The following RTTN variants were observed in gnomAD, a reference collection of about 807,000 sequenced individuals.
RTTN encodes the protein rotatin.
A neutral mutation model predicts 269.2 loss-of-function variants in RTTN; 182 were observed. That is an observed-to-expected ratio of 0.68 (90% CI 0.60 to 0.76). The LOEUF is 0.76. Ranked by LOEUF, RTTN falls within the 30% of genes least tolerant of loss-of-function variation. RTTN has a pLI of 0.00. For missense variants in RTTN, 2,545 were observed against 2,608.6 expected (o/e 0.98, Z 0.53); for synonymous variants, 1,006 against 963.5 (o/e 1.04, Z -0.82).
At chr18:70,069,284 A>G (rs2058232724) in intron 34 of RTTN, among the ~76,000 whole-genome samples, 2 of 152,200 alleles carry the variant, frequency 1.3e-5, no homozygotes, top group South Asian at 2.1e-4. Context: ...TCACATATAC[A>G]TATGTCAAGT....
chr18:70,065,940 A>G lies in RTTN; in HGVS notation c.4654-18T>C, dbSNP rs1224669126. 2.0e-6 allele frequency: 3 copies of G among 1,527,964 alleles called. No homozygotes were observed. The highest frequency in any genetic ancestry group is 1.4e-5 in the African/African-American group (1 of 72,848). 94.7% of individuals were successfully genotyped at this position (1,527,964 alleles called of 1,614,324 possible). On this transcript the variant is annotated intron_variant, in intron 34 of 48. Coordinates refer to ENST00000640769, the MANE Select transcript of RTTN (RefSeq NM_173630.4). Reference sequence around the variant, plus strand: ...GGTGCCACCTATGAATCAGTAAATTATTTTACTTATTAATGTTACAGTACG... The same window carrying G: ...GGTGCCACCTATGAATCAGTAAATTGTTTTACTTATTAATGTTACAGTACG...
intron 39 of RTTN, among the ~76,000 whole-genome samples, chr18:70,049,722 GCTT>G (rs2057602173): frequency 6.6e-6 from 1 of 152,022 alleles, no homozygotes; most frequent in South Asian, 2.1e-4. Flanking sequence ...TTAAAAAACA[GCTT>G]TTTTCTATGC....
intron 35 of RTTN, among the ~76,000 whole-genome samples, chr18:70,064,319 CAG>C (rs1420551449): frequency 9.9e-6 from 1 of 101,334 alleles, no homozygotes; most frequent in Non-Finnish European, 1.8e-5. Context: ...GCCTGGGCAA[CAG>C]AGTGAGACTG....
At chr18:70,136,497 CTT>C (rs926899486) in intron 21 of RTTN, among the ~76,000 whole-genome samples, 1 of 151,536 alleles carries the variant, frequency 6.6e-6, no homozygotes, top group African/African-American at 2.4e-5. Context: ...TTGTGCCTAT[CTT>C]ATAATAAAAA....
intron 34 of RTTN, among the ~76,000 whole-genome samples, chr18:70,073,701 GCA>G (rs1184964063): frequency 5.3e-5 from 8 of 152,040 alleles, no homozygotes; most frequent in Admixed American, 3.9e-4. Context: ...AGTGGCTTGC[GCA>G]CACAGAAAAG....
At chr18:70,133,698 C>T (rs901803965) in intron 23 of RTTN, among the ~76,000 whole-genome samples, 21 of 152,134 alleles carry the variant, frequency 1.4e-4, no homozygotes, top group African/African-American at 5.1e-4. Context: ...AATAGGATTA[C>T]ATTTTGGGGT....
At chr18:70,122,006 TAA>T (rs2059750423) in intron 25 of RTTN, among the ~76,000 whole-genome samples, 9 of 152,166 alleles carry the variant, frequency 5.9e-5, no homozygotes, top group Admixed American at 5.9e-4. Context: ...ACACTGACTC[TAA>T]TAACCGCCCA....
chr18:70,128,732 C>G, intron 23 of RTTN, 186 bp from the exon 24 acceptor site: 1 of 543,718 alleles, frequency 1.8e-6, no homozygotes, highest in Non-Finnish European at 3.3e-6. Flanking sequence ...TTCATCTCCT[C>G]TAAACTCCCC....
chr18:70,159,248 A>G lies in RTTN; in HGVS notation c.1929+6814T>C, dbSNP rs145108519. 1.8e-3 allele frequency among the ~76,000 whole-genome samples: 278 copies of G among 152,340 alleles called. 2 individuals are homozygous for G. The highest frequency in any genetic ancestry group is 6.0e-3 in the African/African-American group (251 of 41,582). Reference sequence around the variant, plus strand: ...ATCATACCAACCACACTCTCAGGCCACAGTGCAATAAAAATAGAAATTATT... The same window carrying G: ...ATCATACCAACCACACTCTCAGGCCGCAGTGCAATAAAAATAGAAATTATT... On this transcript the variant is annotated intron_variant, in intron 14 of 48. Transcript: ENST00000640769.
intron 14 of RTTN, among the ~76,000 whole-genome samples, chr18:70,154,992 G>C (rs2060636885): frequency 6.6e-6 from 1 of 152,008 alleles, no homozygotes; most frequent in South Asian, 2.1e-4. Flanking sequence ...AGAAAATACA[G>C]ACTCAATAGA....
chr18:70,137,545 G>T (rs118062061), intron 21 of RTTN, among the ~76,000 whole-genome samples: 2 of 151,848 alleles, frequency 1.3e-5, no homozygotes, highest in Non-Finnish European at 2.9e-5. Context: ...GGCCCTGCAC[G>T]AACTGCCCTC....
rs149566631 is a variant in RTTN at position 70,177,229 on chromosome 18, C to A, written c.1306-384G>T. Among the ~76,000 whole-genome samples the A allele has an allele frequency of 6.3e-3, 961 of 152,234 alleles. 4 individuals carry two copies. Among genetic ancestry groups the A allele is most frequent in the Non-Finnish European group, 0.01 (708 of 68,022 alleles). ...TCAAGTATTTCTTATGCTTACTATA[C>A]GCCTAACACAGTGGCAGGCATAATG... On this transcript the variant is annotated intron_variant, in intron 10 of 48. Coordinates refer to ENST00000640769, the MANE Select transcript of RTTN (RefSeq NM_173630.4).
Position 70,152,473 on chromosome 18 carries a change from A to C in RTTN, c.1930-1740T>G, listed in dbSNP as rs570626236. On this transcript the variant is annotated intron_variant, in intron 14 of 48. Transcript: ENST00000640769. The stretch of plus-strand genomic sequence containing the variant: ...ACTTGATACATAAGAGTAAATGCTC[A>C]ATAAATGTTAGCTGCTATCATTATC... Among the ~76,000 whole-genome samples the C allele has an allele frequency of 2.6e-5, 4 of 152,310 alleles. No homozygotes were observed. The East Asian group carries it at 7.7e-4, about 29-fold the overall frequency.
chr18:70,076,946 T>G (rs2058443865), intron 32 of RTTN, among the ~76,000 whole-genome samples: 1 of 151,992 alleles, frequency 6.6e-6, no homozygotes, highest in Non-Finnish European at 1.5e-5. Flanking sequence ...CAAGAAATTC[T>G]ATCTTTTAAG....
Position 70,205,261 on chromosome 18 carries a change from A to G in RTTN, c.86T>C (p.Ile29Thr), listed in dbSNP as rs201689582. 83 of 1,614,230 alleles carry G rather than the reference A, an allele frequency of 5.1e-5. No individual in the cohort carries two copies. In the African/African-American group the frequency reaches 6.8e-4, roughly 13 times the overall value. ...AGCGTAGCAGATTAAGTTGTGCTCA[A>G]TCTTGCAGAGAATACTCTTGAGAGC... ...ERALKSILCK[I>T]EHNLICYADL... The change falls in exon 2 of 49, where the codon ATT becomes ACT. Residue 29 changes from isoleucine (I) to threonine (T), a missense_variant. Physicochemically the swap from Ile to Thr is moderately conservative, Grantham distance 89. Transcript: ENST00000640769.
chr18:70,114,729 G>A, intron 26 of RTTN, 130 bp from the exon 27 acceptor site: 1 of 521,320 alleles, frequency 1.9e-6, no homozygotes, highest in South Asian at 4.4e-5. Context: ...GGCCTTTACT[G>A]CATTAGTAGA....
intron 27 of RTTN, among the ~76,000 whole-genome samples, chr18:70,110,668 T>C (rs557792955): frequency 6.6e-6 from 1 of 152,328 alleles, no homozygotes; most frequent in African/African-American, 2.4e-5. Flanking sequence ...GTAGTTCTTT[T>C]TTCCCATACC....
chr18:70,037,799 G>A (rs2057220417), intron 40 of RTTN, among the ~76,000 whole-genome samples: 1 of 152,236 alleles, frequency 6.6e-6, no homozygotes, highest in Non-Finnish European at 1.5e-5. Context: ...AGAGCAACAA[G>A]TAGGCTCTTG....
At chr18:70,023,332 G>A (rs2056760916) in intron 44 of RTTN, among the ~76,000 whole-genome samples, 1 of 152,126 alleles carries the variant, frequency 6.6e-6, no homozygotes, top group Non-Finnish European at 1.5e-5. Flanking sequence ...AATTTCTTTT[G>A]TAGCAATAAA....
Sources: gnomAD v4.1 joint callset for allele counts (sites outside exome capture counted in the v4.1 genomes callset) on GRCh38, gnomAD v4.1.1 for gene constraint, MANE v1.5 for transcripts, NCBI Gene and HGNC (gene_info 2026-07-23, HGNC 2026-07-21) for gene names.